HTR3D: variants seen among roughly 807,000 people sequenced by gnomAD.
The protein encoded by HTR3D is 5-hydroxytryptamine (serotonin) receptor 3 family member D.
HTR3D carries 47 observed loss-of-function variants against 45.8 expected under a neutral mutation model. That is an observed-to-expected ratio of 1.03 (90% CI 0.81 to 1.31). The LOEUF (loss-of-function observed/expected upper bound fraction) is 1.31, where lower values mean the gene tolerates loss of function less well. Among genes scored for constraint, HTR3D ranks in the 50% most tolerant of loss-of-function variants. The pLI, the probability that HTR3D is intolerant of heterozygous loss-of-function variation, is 0.00. For missense variants in HTR3D, 448 were observed against 506.9 expected (o/e 0.88, Z 1.12); for synonymous variants, 203 against 199.8 (o/e 1.02, Z -0.13).
Position 184,036,756 on chromosome 3 carries a change from T to A in HTR3D, c.376T>A (p.Trp126Arg), listed in dbSNP as rs369371805. ...ALSPTQVTRAWRRMSRSFQIH... is the reference protein window; with the variant it reads ...ALSPTQVTRARRRMSRSFQIH... ...GCAGTGGAGAACACGAGCCCGGGCA[T>A]GGAGAAGGATGTCCAGGAGCTTTCA... The change falls in exon 5 of 8, where the codon TGG becomes AGG. Residue 126 changes from tryptophan to arginine, a missense_variant. By Grantham distance (101) the Trp-to-Arg change is moderately radical. Coordinates refer to ENST00000428798, the MANE Select transcript of HTR3D (RefSeq NM_001145143.1). The A allele has an allele frequency of 1.1e-4, 167 of 1,552,178 alleles. No individual in the cohort carries two copies. In the African/African-American group the frequency reaches 2.0e-3, roughly 19 times the overall value.
intron 1 of HTR3D, among the ~76,000 whole-genome samples, 188 bp downstream of exon 1, chr3:184,031,995 C>CT (rs3031482): frequency 0.27 from 34,536 of 129,358 alleles, 5,226 homozygotes; most frequent in East Asian, 0.56. Flanking sequence ...CTTTTCTCTT[C>CT]TTTTTTTTTT....
At chr3:184,034,696 C>T (rs1722835651) in intron 1 of HTR3D, among the ~76,000 whole-genome samples, 2 of 96,928 alleles carry the variant, frequency 2.1e-5, no homozygotes, top group Non-Finnish European at 3.8e-5. Context: ...TGGTGTGTGC[C>T]TCTAATCCCA....
In HTR3D at chr3:184,036,453, G is replaced by A; in HGVS notation, c.276G>A (p.Gly92=). The change falls in exon 4 of 8, where the codon GGG becomes GGA. Residue 92 remains glycine, a synonymous_variant. Transcript: ENST00000428798. ...KATSNTISQC[G]WSASANWTPS... ...CATCAAACACAATAAGCCAATGTGG[G>A]TGGTCAGCATCTGCAAACTGGACAC... 1 of 1,614,220 alleles carries A rather than the reference G, an allele frequency of 6.2e-7. No individual in the cohort carries two copies.
In HTR3D at chr3:184,035,168, G is replaced by A; in HGVS notation, c.67-10G>A. 6.4e-7 allele frequency: 1 copy of A among 1,551,976 alleles called. No individual in the cohort carries two copies. The highest frequency in any genetic ancestry group is 8.7e-7 in the Non-Finnish European group (1 of 1,147,026). ...GGAGTTAATCATCTAGATGAAAGCTGCTATTCCAGGATTCACACCTTCAAC... is the reference window on the plus strand; with the variant it reads ...GGAGTTAATCATCTAGATGAAAGCTACTATTCCAGGATTCACACCTTCAAC... On this transcript the variant is annotated splice_polypyrimidine_tract_variant and intron_variant, in intron 1 of 7. Transcript: ENST00000428798.
Position 184,035,339 on chromosome 3 carries a change from G to C in HTR3D, c.111+117G>C, listed in dbSNP as rs1722855163. 1.4e-5 allele frequency: 12 copies of C among 885,884 alleles called. No homozygotes were observed. The Middle Eastern group carries it at 2.4e-3, about 179-fold the overall frequency. The allele number at this position is 885,884 out of a possible 1,614,324, so 54.9% of individuals were successfully genotyped here. A position where few individuals can be genotyped will look rare whatever the true frequency, so the allele number is the denominator to read the frequency against. Reference sequence around the variant, plus strand: ...CTGAGAATATCCATAAATTAGACAAGTTCAAATAGACCAATAATGAAAATA... The same window carrying C: ...CTGAGAATATCCATAAATTAGACAACTTCAAATAGACCAATAATGAAAATA... On this transcript the variant is annotated intron_variant, in intron 2 of 7. Transcript: ENST00000428798.
chr3:184,037,781 A>C (rs375599253), intron 5 of HTR3D, among the ~76,000 whole-genome samples: 2 of 152,340 alleles, frequency 1.3e-5, no homozygotes, highest in Non-Finnish European at 1.5e-5. Context: ...TAAAAATTTA[A>C]GTGGAGAAAG....
chr3:184,039,211 T>C lies in HTR3D; in HGVS notation c.*236T>C, dbSNP rs922308456. On this transcript the variant is annotated 3_prime_UTR_variant, in exon 8 of 8. Coordinates refer to ENST00000428798, the MANE Select transcript of HTR3D (RefSeq NM_001145143.1). ...CCCATACCTCCCTGGCTCCTCAGGA[T>C]TCAGGTTCCTAGGGTACGTCCTTGA... is the stretch of plus-strand genomic sequence containing the variant. 4 of 516,234 alleles carry C rather than the reference T, an allele frequency of 7.7e-6. No homozygotes were observed. In the African/African-American group the frequency reaches 7.8e-5, roughly 10 times the overall value. 32.0% of individuals were successfully genotyped at this position (516,234 alleles called of 1,614,324 possible).
chr3:184,035,972 C>G (rs747841667), intron 2 of HTR3D, 43 bp from the exon 3 acceptor site: 3 of 1,544,404 alleles, frequency 1.9e-6, no homozygotes, highest in South Asian at 2.4e-5. Context: ...GGATTACAGA[C>G]AGAAGCCACC....
Position 184,032,596 on chromosome 3 carries a change from G to A in HTR3D, c.66+789G>A, listed in dbSNP as rs73048500. ...AAGGACACTGGCAGAAGGTGGAGAG[G>A]TTGCAGTGAGATTGTTAAGGACATG... On this transcript the variant is annotated intron_variant, in intron 1 of 7. Coordinates refer to ENST00000428798, the MANE Select transcript of HTR3D (RefSeq NM_001145143.1). Among the ~76,000 whole-genome samples the A allele has an allele frequency of 9.8e-3, 1,486 of 152,258 alleles. 36 individuals carry two copies. The highest frequency in any genetic ancestry group is 0.033 in the African/African-American group (1,382 of 41,532).
intron 5 of HTR3D, among the ~76,000 whole-genome samples, chr3:184,037,743 A>C (rs1467257): frequency 0.63 from 96,128 of 151,988 alleles, 31,161 homozygotes; most frequent in African/African-American, 0.78. Context: ...GTGGTTCCAC[A>C]GTCTTGCTAA....
intron 5 of HTR3D, among the ~76,000 whole-genome samples, chr3:184,037,213 T>C (rs1722933570): frequency 6.6e-6 from 1 of 151,854 alleles, no homozygotes; most frequent in Non-Finnish European, 1.5e-5. Flanking sequence ...CTAATTTTTG[T>C]ATTTTTAGTA....
chr3:184,036,294 G>T, intron 3 of HTR3D, 81 bp from the exon 4 acceptor site: 1 of 1,555,038 alleles, frequency 6.4e-7, no homozygotes, highest in South Asian at 1.2e-5. Flanking sequence ...AGAATGGGAT[G>T]ACCTGACAGA....
rs1344621933 is a variant in HTR3D at position 184,036,784 on chromosome 3, T to C, written c.404T>C (p.Ile135Thr). The C allele has an allele frequency of 6.4e-7, 1 of 1,552,110 alleles. No homozygotes were observed. The highest frequency in any genetic ancestry group is 1.7e-4 in the Middle Eastern group (1 of 5,998). Residue 135 changes from isoleucine (I) to threonine (T), a missense_variant, in exon 5 of 8, where the codon ATA becomes ACA. Ile to Thr is a moderately conservative substitution (Grantham distance 89). Coordinates refer to ENST00000428798, the MANE Select transcript of HTR3D (RefSeq NM_001145143.1). ...AGAAGGATGTCCAGGAGCTTTCAAATACATCACAGAACCTCATTCAGAACA... is the reference window on the plus strand; with the variant it reads ...AGAAGGATGTCCAGGAGCTTTCAAACACATCACAGAACCTCATTCAGAACA... ...AWRRMSRSFQ[I>T]HHRTSFRTRR...
At position 184,033,873 on chromosome 3, in the gene HTR3D, T is replaced by A. The variant is rs148231209; in HGVS notation, c.67-1305T>A. 9.6e-3 allele frequency among the ~76,000 whole-genome samples: 1,454 copies of A among 152,190 alleles called. 21 individuals are homozygous for A. The highest frequency in any genetic ancestry group is 0.034 in the Middle Eastern group (10 of 294). ...CAGAGGTTGCAGACAGCCAAGATTG[T>A]GCCACTGCACTCTAGCCTGGGTGAC... On this transcript the variant is annotated intron_variant, in intron 1 of 7. Transcript: ENST00000428798.
chr3:184,035,843 C>A (rs185121928), intron 2 of HTR3D, 172 bp from the exon 3 acceptor site: 364 of 597,148 alleles, frequency 6.1e-4, no homozygotes, highest in African/African-American at 5.7e-3. Context: ...CAGGGGCCCA[C>A]CACCACACCC....
chr3:184,037,100 C>T (rs535362235), intron 5 of HTR3D, among the ~76,000 whole-genome samples: 3 of 150,926 alleles, frequency 2.0e-5, no homozygotes, highest in East Asian at 3.9e-4. Flanking sequence ...AGTGCAATGA[C>T]GTGATCTCAG....
Position 184,031,847 on chromosome 3 carries a change from C to T in HTR3D, c.66+40C>T, listed in dbSNP as rs557909267. On this transcript the variant is annotated intron_variant, in intron 1 of 7. Transcript: ENST00000428798. ...GAGCAAGAGCTGAGCAGACATGTAA[C>T]TCCTGGGAAGCAGAGAAAACAGGCT... 94 of 1,406,214 alleles carry T rather than the reference C, an allele frequency of 6.7e-5. No homozygotes were observed. In the South Asian group the frequency reaches 9.6e-4, roughly 14 times the overall value. The allele number at this position is 1,406,214 out of a possible 1,614,324, so 87.1% of individuals were successfully genotyped here.
At chr3:184,032,944 G>A (rs146909328) in intron 1 of HTR3D, 2 of 1,552,596 alleles carry the variant, frequency 1.3e-6, no homozygotes, top group Non-Finnish European at 1.7e-6. Flanking sequence ...GCCAGCACAG[G>A]GTGGACCCTG....
At chr3:184,032,802 C>A in intron 1 of HTR3D, 2 of 1,492,878 alleles carry the variant, frequency 1.3e-6, no homozygotes, top group Non-Finnish European at 1.8e-6. Context: ...AGCTCACATG[C>A]TTCTCCCAGT....
Sources: allele counts gnomAD v4.1 joint callset (sites outside exome capture counted in the v4.1 genomes callset), GRCh38; gene constraint gnomAD v4.1.1; transcripts MANE v1.5; gene names NCBI Gene and HGNC (gene_info 2026-07-23, HGNC 2026-07-21).